Variants in SPON2 observed in about 807,000 individuals in gnomAD.
The protein encoded by SPON2 is spondin 2, also known as spondin-2.
A neutral mutation model predicts 29.9 loss-of-function variants in SPON2; 32 were observed. The ratio of observed to expected loss-of-function variants is 1.07; its 90% CI spans 0.81 to 1.44. The LOEUF (loss-of-function observed/expected upper bound fraction) is 1.44, where lower values mean the gene tolerates loss of function less well. SPON2 is among the 40% of genes most tolerant of loss of function. The pLI is 0.00. For synonymous variants in SPON2, 248 were observed against 209.1 expected (o/e 1.19, Z -1.61); for missense variants, 541 against 455.5 (o/e 1.19, Z -1.71).
Position 1,167,420 on chromosome 4 carries a change from C to T in SPON2, c.*52G>A. On this transcript the variant is annotated 3_prime_UTR_variant, in exon 6 of 6. Transcript: ENST00000290902. ...CCTGCAGCATGAGCCTGCACAGGAG[C>T]CCCCGACACCCCATGGCTCCGGGGG... The T allele has an allele frequency of 1.9e-6, 3 of 1,555,500 alleles. No individual in the cohort carries two copies. Among genetic ancestry groups the T allele is most frequent in the Non-Finnish European group, 2.6e-6 (3 of 1,144,706 alleles).
rs1727466464 is a variant in SPON2, at chr4:1,171,887, AG to A, written c.184del (p.Leu62CysfsTer45). ...SQTAFPKQYP[L>X]FRPPAQWSSL... ...AGACCACTGCGCAGGGGGGCGGAAC[AG>A]GGGGTACTGCTTGGGGAAGGCCGTC... On this transcript the variant is annotated frameshift_variant, in exon 2 of 6. Coordinates refer to ENST00000290902, the MANE Select transcript of SPON2 (RefSeq NM_012445.4). LOFTEE classifies it high-confidence loss of function. The A allele has an allele frequency of 3.1e-6, 5 of 1,612,832 alleles. No individual in the cohort carries two copies. The highest frequency in any genetic ancestry group is 4.2e-6 in the Non-Finnish European group (5 of 1,179,850).
rs373861293 is a variant in SPON2 at position 1,172,011 on chromosome 4, T to C, written c.61A>G (p.Thr21Ala). ...AGAGGCTGGCCGGCGGCGCCGAGAG[T>C]GGCCAGGAGGAGAGCGCAGAGGGCC... ...GKALCALLLA[T>A]LGAAGQPLGG... The change falls in exon 2 of 6, where the codon ACT (threonine) becomes GCT (alanine). Residue 21 changes from threonine to alanine, a missense_variant. By Grantham distance (58) the Thr-to-Ala change is moderately conservative. Transcript: ENST00000290902. 3.1e-6 allele frequency: 5 copies of C among 1,610,044 alleles called. No individual in the cohort carries two copies. The highest frequency in any genetic ancestry group is 3.3e-5 in the Admixed American group (2 of 59,840).
chr4:1,201,163 G>T (rs1364906404), intron 1 of SPON2: 6 of 454,328 alleles, frequency 1.3e-5, no homozygotes, highest in Admixed American at 2.4e-5. Context: ...CAGGCCAAAT[G>T]CAGGTGCCCC....
At chr4:1,201,740 G>A (rs931782487) in intron 1 of SPON2, among the ~76,000 whole-genome samples, 3 of 152,010 alleles carry the variant, frequency 2.0e-5, no homozygotes, top group Admixed American at 1.3e-4. Flanking sequence ...CGGTTGCCAC[G>A]CCCGGCTAAT....
At chr4:1,189,842 A>T (rs1727876816) in intron 1 of SPON2, among the ~76,000 whole-genome samples, 1 of 150,984 alleles carries the variant, frequency 6.6e-6, no homozygotes, top group South Asian at 2.1e-4. Context: ...ACAAAAAACT[A>T]GCCGGGCATG....
In SPON2 at chr4:1,171,018, G is replaced by T. The variant is rs1351525673; in HGVS notation, c.617C>A (p.Pro206Gln). 6.5e-7 allele frequency: 1 copy of T among 1,548,872 alleles called. No homozygotes were observed. The highest frequency in any genetic ancestry group is 8.7e-7 in the Non-Finnish European group (1 of 1,145,732). ...TFSSPNFATI[P>Q]QDTVTEITSS... ...ACTCACCTCGGTCACCGTGTCCTGC[G>T]GGATGGTGGCGAAGTTGGGGGAGGA... The change falls in exon 4 of 6, where the codon CCG (proline) becomes CAG (glutamine). Residue 206 changes from proline to glutamine, a missense_variant. Physicochemically the swap from Pro to Gln is moderately conservative, Grantham distance 76 (BLOSUM62 -1). Transcript: ENST00000290902.
At chr4:1,193,127 G>A (rs1231398029) in intron 1 of SPON2, among the ~76,000 whole-genome samples, 4 of 152,180 alleles carry the variant, frequency 2.6e-5, no homozygotes, top group South Asian at 2.1e-4. Context: ...CCTCACACAT[G>A]GGTGCACACA....
Position 1,170,430 on chromosome 4 carries a change from C to T in SPON2, c.783G>A (p.Arg261=), listed in dbSNP as rs1485487400. 2.5e-6 allele frequency: 4 copies of T among 1,613,686 alleles called. No homozygotes were observed. The highest frequency in any genetic ancestry group is 2.5e-6 in the Non-Finnish European group (3 of 1,179,900). The change falls in exon 5 of 6, where the codon AGG becomes AGA. Residue 261 remains arginine (R), a synonymous_variant. Coordinates refer to ENST00000290902, the MANE Select transcript of SPON2 (RefSeq NM_012445.4). ...AGGCGCTGTCTACAATCTCATTGTC[C>T]CTGCTGGGCAGGACTGGGGCGGGAG... The part of the protein sequence containing the change: ...FIPPAPVLPS[R]DNEIVDSASV...
chr4:1,171,079 G>A lies in SPON2; in HGVS notation c.556C>T (p.Pro186Ser). The A allele has an allele frequency of 6.5e-7, 1 of 1,550,320 alleles. No homozygotes were observed. The highest frequency in any genetic ancestry group is 8.7e-7 in the Non-Finnish European group (1 of 1,146,670). Reference protein sequence around the residue: ...WREQAALDLYPYDAGTDSGFT... With the variant: ...WREQAALDLYSYDAGTDSGFT... ...CCGCTGTCCGTCCCGGCGTCGTAGG[G>A]GTACAGGTCCAGCGCCGCCTGTTCC... The change falls in exon 4 of 6, where the codon CCC becomes TCC. Residue 186 changes from proline to serine, a missense_variant. Physicochemically the swap from Pro to Ser is moderately conservative, Grantham distance 74. Transcript: ENST00000290902.
chr4:1,190,558 C>A (rs111604605), intron 1 of SPON2, among the ~76,000 whole-genome samples: 2 of 152,138 alleles, frequency 1.3e-5, no homozygotes, highest in African/African-American at 4.8e-5. Flanking sequence ...TAAACTTAAT[C>A]CAGCAACATT....
chr4:1,193,493 T>C (rs1727957006), intron 1 of SPON2, among the ~76,000 whole-genome samples: 8 of 149,606 alleles, frequency 5.3e-5, no homozygotes, highest in African/African-American at 2.0e-4. Context: ...GAGTCCTTTC[T>C]CCAGGAGGGA....
intron 2 of SPON2, among the ~76,000 whole-genome samples, chr4:1,178,659 G>A (rs1009861758): frequency 7.4e-5 from 10 of 136,036 alleles, no homozygotes; most frequent in African/African-American, 1.1e-4. Flanking sequence ...CCCCAGAGGA[G>A]TGCCTGGTCA....
At chr4:1,194,485 GGGC>G (rs1171266037) in intron 1 of SPON2, among the ~76,000 whole-genome samples, 15 of 151,604 alleles carry the variant, frequency 9.9e-5, no homozygotes, top group Non-Finnish European at 2.2e-4. Flanking sequence ...CGGGGAAGCC[GGGC>G]CGCGGTAGCG....
chr4:1,205,728 C>T (rs1351187132), intron 1 of SPON2, among the ~76,000 whole-genome samples: 9 of 152,278 alleles, frequency 5.9e-5, no homozygotes, highest in Non-Finnish European at 1.0e-4. Context: ...GGCCTCCAGG[C>T]CCGCCCAGGC....
upstream of SPON2, among the ~76,000 whole-genome samples, chr4:1,176,759 TCA>T (rs575240731): frequency 3.2e-3 from 487 of 151,994 alleles, 3 homozygotes; most frequent in Middle Eastern, 0.014. Context: ...ACTAATTCAC[TCA>T]CACAGTACAT....
At position 1,167,133 on chromosome 4, in the gene SPON2, T is replaced by G. The variant is rs1318299655; in HGVS notation, c.*339A>C. 3 of 227,022 alleles carry G rather than the reference T, an allele frequency of 1.3e-5. No homozygotes were observed. The highest frequency in any genetic ancestry group is 1.7e-5 in the Non-Finnish European group (2 of 115,830). The allele number at this position is 227,022 out of a possible 1,614,324, so 14.1% of individuals were successfully genotyped here. On this transcript the variant is annotated 3_prime_UTR_variant, in exon 6 of 6. Transcript: ENST00000290902. ...ACGTGGGAGCCAGGCCCCTGGACGA[T>G]GAAGGACAATCTCCTGGAGCAGCAA...
chr4:1,193,355 C>T (rs561550515), intron 1 of SPON2, among the ~76,000 whole-genome samples: 7 of 151,994 alleles, frequency 4.6e-5, no homozygotes, highest in Admixed American at 1.3e-4. Flanking sequence ...TCCCCGTCAC[C>T]GGGTATCTGT....
chr4:1,171,286 C>T lies in SPON2; in HGVS notation c.421G>A (p.Glu141Lys). Reference protein sequence around the residue: ...SGTGQTSAELEVQRRHSLVSF... With the variant: ...SGTGQTSAELKVQRRHSLVSF... ...ACCAGCGAGTGCCTGCGCTGCACCT[C>T]CAGCTCCGCCGACGTCTGCCCGGTG... Residue 141 changes from glutamate (E) to lysine (K), a missense_variant, in exon 3 of 6, where the codon GAG (glutamate) becomes AAG (lysine). Physicochemically the swap from Glu to Lys is moderately conservative, Grantham distance 56. Coordinates refer to ENST00000290902, the MANE Select transcript of SPON2 (RefSeq NM_012445.4). The T allele has an allele frequency of 6.4e-7, 1 of 1,568,696 alleles. No individual in the cohort carries two copies.
At chr4:1,167,739 T>G in intron 5 of SPON2, 83 bp from the exon 6 acceptor site, 1 of 1,444,514 alleles carries the variant, frequency 6.9e-7, no homozygotes, top group Admixed American at 2.2e-5. Flanking sequence ...CCCACCAACG[T>G]GTGCATTCAT....
Sources: gnomAD v4.1 joint callset for allele counts (sites outside exome capture counted in the v4.1 genomes callset) on GRCh38, gnomAD v4.1.1 for gene constraint, MANE v1.5 for transcripts, NCBI Gene and HGNC (gene_info 2026-07-23, HGNC 2026-07-21) for gene names.